The following SDK1 variants were observed in gnomAD, a reference collection of about 807,000 sequenced individuals.
The protein encoded by SDK1 is sidekick cell adhesion molecule 1, also known as protein sidekick-1.
SDK1 carries 157 observed loss-of-function variants against 245.5 expected under a neutral mutation model. That is an observed-to-expected ratio of 0.64 (90% CI 0.56 to 0.73). The LOEUF is 0.73. Among genes scored for constraint, SDK1 ranks in the 30% least tolerant of loss-of-function variants. The pLI, the probability that SDK1 is intolerant of heterozygous loss-of-function variation, is 0.00. For missense variants in SDK1, 3,583 were observed against 3,002.3 expected (o/e 1.19, Z -4.52); for synonymous variants, 1,647 against 1,278.5 (o/e 1.29, Z -6.15).
At chr7:3,954,051 A>G (rs909968331) in intron 7 of SDK1, among the ~76,000 whole-genome samples, 2 of 152,150 alleles carry the variant, frequency 1.3e-5, no homozygotes, top group Admixed American at 6.5e-5. Context: ...AGACAGAGAA[A>G]CAAATGGGCT....
intron 5 of SDK1, among the ~76,000 whole-genome samples, chr7:3,867,326 G>T (rs1780845899): frequency 6.6e-6 from 1 of 152,172 alleles, no homozygotes; most frequent in South Asian, 2.1e-4. Context: ...ACTAGAATTT[G>T]ATTATTTTGG....
intron 1 of SDK1, among the ~76,000 whole-genome samples, chr7:3,454,173 A>G (rs1227743904): frequency 6.6e-6 from 1 of 152,168 alleles, no homozygotes; most frequent in Non-Finnish European, 1.5e-5. Flanking sequence ...ATTCTATAAA[A>G]ATTTGGAGGC....
At chr7:3,987,479 G>C (rs1783951648) in intron 14 of SDK1, among the ~76,000 whole-genome samples, 157 bp downstream of exon 14, 1 of 152,106 alleles carries the variant, frequency 6.6e-6, no homozygotes, top group East Asian at 1.9e-4. Context: ...CTTTAGGAAA[G>C]AAAAAACCAT....
At chr7:4,192,497 G>A (rs962228043) in intron 35 of SDK1, among the ~76,000 whole-genome samples, 3 of 152,084 alleles carry the variant, frequency 2.0e-5, no homozygotes, top group Non-Finnish European at 2.9e-5. Flanking sequence ...GGATGGTCTC[G>A]ATCTCCTGAA....
intron 14 of SDK1, among the ~76,000 whole-genome samples, chr7:4,000,416 C>A (rs558642570): frequency 2.6e-5 from 4 of 152,156 alleles, no homozygotes; most frequent in Non-Finnish European, 1.5e-5. Context: ...TTTTGGAGCA[C>A]GTTCTCTGAG....
intron 4 of SDK1, among the ~76,000 whole-genome samples, chr7:3,818,335 A>C (rs142221120): frequency 4.6e-5 from 7 of 152,214 alleles, no homozygotes; most frequent in Non-Finnish European, 8.8e-5. Context: ...ATTATGGGCA[A>C]AGTATTCAAC....
At chr7:3,768,816 T>A (rs546769447) in intron 4 of SDK1, among the ~76,000 whole-genome samples, 1 of 152,292 alleles carries the variant, frequency 6.6e-6, no homozygotes, top group African/African-American at 2.4e-5. Context: ...CATTCTACCC[T>A]CTCCATGACC....
intron 17 of SDK1, among the ~76,000 whole-genome samples, chr7:4,037,289 A>G (rs1045218789): frequency 3.3e-5 from 5 of 152,198 alleles, no homozygotes; most frequent in African/African-American, 9.6e-5. Flanking sequence ...GTTAGTAACA[A>G]CACTTGATGT....
chr7:3,795,714 C>T (rs556995158), intron 4 of SDK1, among the ~76,000 whole-genome samples: 3 of 152,080 alleles, frequency 2.0e-5, no homozygotes, highest in Non-Finnish European at 4.4e-5. Context: ...TTAAAATGTG[C>T]CCTTTCTGAA....
intron 5 of SDK1, among the ~76,000 whole-genome samples, chr7:3,838,734 T>C (rs372147821): frequency 7.5e-4 from 114 of 152,290 alleles, no homozygotes; most frequent in African/African-American, 2.4e-3. Context: ...CCTGCTCAGG[T>C]CTCAGCAGTT....
intron 5 of SDK1, among the ~76,000 whole-genome samples, chr7:3,937,219 C>A (rs746025910): frequency 1.3e-5 from 2 of 152,194 alleles, no homozygotes; most frequent in African/African-American, 4.8e-5. Context: ...ACTCTGTTCA[C>A]TCAACAGGTA....
chr7:3,314,923 A>T, intron 1 of SDK1, among the ~76,000 whole-genome samples: 1 of 151,710 alleles, frequency 6.6e-6, no homozygotes, highest in East Asian at 1.9e-4. Context: ...ACTAAACCTC[A>T]TTTGGCCTGT....
chr7:4,135,528 G>T (rs1311185955), intron 28 of SDK1, among the ~76,000 whole-genome samples: 1 of 152,258 alleles, frequency 6.6e-6, no homozygotes, highest in African/African-American at 2.4e-5. Context: ...CCTTGGGGCT[G>T]CCTGCTTTTC....
intron 1 of SDK1, among the ~76,000 whole-genome samples, chr7:3,603,536 T>A (rs560312626): frequency 7.3e-4 from 111 of 152,150 alleles, no homozygotes; most frequent in African/African-American, 2.6e-3. Flanking sequence ...TGATTTTGTA[T>A]CCTGAGACTT....
intron 4 of SDK1, among the ~76,000 whole-genome samples, chr7:3,725,012 C>G (rs534281847): frequency 6.6e-6 from 1 of 152,232 alleles, no homozygotes; most frequent in Non-Finnish European, 1.5e-5. Context: ...TCTTAAGCTG[C>G]ATTAGCTTAG....
chr7:3,545,677 G>T (rs1249949601), intron 1 of SDK1, among the ~76,000 whole-genome samples: 2 of 152,170 alleles, frequency 1.3e-5, no homozygotes, highest in African/African-American at 2.4e-5. Flanking sequence ...CCTCTGGCTG[G>T]TTCAGCATTT....
intron 4 of SDK1, among the ~76,000 whole-genome samples, chr7:3,655,491 ATATATATATATATG>A (rs1439295786): frequency 0.011 from 751 of 65,802 alleles, 22 homozygotes; most frequent in East Asian, 0.023. Flanking sequence ...ATATATATAT[ATATATATATATATG>A]TATGTATGTA....
intron 1 of SDK1, among the ~76,000 whole-genome samples, chr7:3,380,927 C>T (rs902429084): frequency 2.0e-5 from 3 of 152,136 alleles, no homozygotes; most frequent in Non-Finnish European, 2.9e-5. Context: ...GCAAGGAAAC[C>T]TGAGAAATCA....
chr7:3,852,529 C>G (rs1480520785), intron 5 of SDK1, among the ~76,000 whole-genome samples: 2 of 151,372 alleles, frequency 1.3e-5, no homozygotes, highest in Non-Finnish European at 2.9e-5. Context: ...GGGCGGATCA[C>G]GAGGTCAGGA....
Sources: gnomAD v4.1 joint callset for allele counts (sites outside exome capture counted in the v4.1 genomes callset) on GRCh38, gnomAD v4.1.1 for gene constraint, MANE v1.5 for transcripts, NCBI Gene and HGNC (gene_info 2026-07-23, HGNC 2026-07-21) for gene names.